PLPPR1: variants seen among roughly 807,000 people sequenced by gnomAD.
PLPPR1 encodes phospholipid phosphatase related 1.
Under a neutral mutation model 33.1 loss-of-function variants are expected in PLPPR1, and 10 were observed. The observed-to-expected ratio is 0.30, with a 90% CI of 0.19 to 0.51. The LOEUF is 0.51. Ranked by LOEUF, PLPPR1 falls within the 20% of genes least tolerant of loss-of-function variation. The pLI is 0.97. For missense variants in PLPPR1, 304 were observed against 408.1 expected, an observed-to-expected ratio of 0.74 and a Z score of 2.20; for synonymous variants, 151 against 151.0, an observed-to-expected ratio of 1.00 and a Z score of 0.00.
At chr9:101,253,066 G>C (rs559418624) in intron 2 of PLPPR1, among the ~76,000 whole-genome samples, 136 of 151,950 alleles carry the variant, frequency 9.0e-4, no homozygotes, top group Non-Finnish European at 1.4e-3. Flanking sequence ...TTATATCTCT[G>C]ATCTCCTTTG....
At chr9:101,283,116 C>T (rs1416774715) in intron 3 of PLPPR1, among the ~76,000 whole-genome samples, 1 of 152,094 alleles carries the variant, frequency 6.6e-6, no homozygotes, top group Non-Finnish European at 1.5e-5. Flanking sequence ...CGATCACAGC[C>T]GTGAGCCACC....
intron 1 of PLPPR1, among the ~76,000 whole-genome samples, chr9:101,131,812 T>G (rs1831317560): frequency 6.6e-6 from 1 of 152,230 alleles, no homozygotes; most frequent in Admixed American, 6.5e-5. Context: ...GACTCTGTAC[T>G]CAGATTACCT....
In PLPPR1 at chr9:101,085,377, C is replaced by T. The variant is rs549134568; in HGVS notation, c.-46+56275C>T. ...TAACTTCAGTTGCTACCCCTTGAAT[C>T]TAAAAATGACTTGACTAATTCACAG... On this transcript the variant is annotated intron_variant, in intron 1 of 7. Transcript: ENST00000374874. Among the ~76,000 whole-genome samples, 3 of 152,258 alleles carry T rather than the reference C, an allele frequency of 2.0e-5. No individual in the cohort carries two copies. The East Asian group carries it at 5.8e-4, about 29-fold the overall frequency.
intron 1 of PLPPR1, among the ~76,000 whole-genome samples, chr9:101,083,191 C>T (rs1394383270): frequency 6.6e-6 from 1 of 152,006 alleles, no homozygotes; most frequent in Non-Finnish European, 1.5e-5. Flanking sequence ...TCGAGTCTCA[C>T]TCTGTTACCC....
chr9:101,246,077 T>TGA (rs1827597798), intron 2 of PLPPR1, among the ~76,000 whole-genome samples: 2 of 112,564 alleles, frequency 1.8e-5, no homozygotes, highest in Non-Finnish European at 3.6e-5. Context: ...TATATATATA[T>TGA]ATATATATAT....
intron 1 of PLPPR1, among the ~76,000 whole-genome samples, chr9:101,033,616 C>T (rs1734121891): frequency 6.6e-6 from 1 of 152,158 alleles, no homozygotes; most frequent in African/African-American, 2.4e-5. Flanking sequence ...AAAGAACTGG[C>T]ATGAAAGCAA....
At chr9:101,117,281 C>T (rs1384535186) in intron 1 of PLPPR1, among the ~76,000 whole-genome samples, 1 of 152,090 alleles carries the variant, frequency 6.6e-6, no homozygotes, top group Non-Finnish European at 1.5e-5. Flanking sequence ...ATAAAGCAGA[C>T]TGCAGTGGAG....
intron 4 of PLPPR1, among the ~76,000 whole-genome samples, chr9:101,294,204 G>A (rs1400143522): frequency 1.3e-5 from 2 of 151,966 alleles, no homozygotes; most frequent in Non-Finnish European, 2.9e-5. Context: ...AAATCTAGAA[G>A]AAATGGATAA....
chr9:101,286,071 C>CAA (rs556652839), intron 3 of PLPPR1, 33 bp from the exon 4 acceptor site: 37 of 1,594,840 alleles, frequency 2.3e-5, no homozygotes, highest in Middle Eastern at 1.7e-4. Context: ...AACAGATCTC[C>CAA]AACTTGACAT....
At chr9:101,136,525 T>G (rs561045406) in intron 1 of PLPPR1, among the ~76,000 whole-genome samples, 1 of 152,344 alleles carries the variant, frequency 6.6e-6, no homozygotes, top group East Asian at 1.9e-4. Flanking sequence ...AGCTTCCAAT[T>G]TCTCTACCTT....
At chr9:101,030,405 TC>T (rs1339519032) in intron 1 of PLPPR1, among the ~76,000 whole-genome samples, 3 of 151,258 alleles carry the variant, frequency 2.0e-5, no homozygotes, top group African/African-American at 7.3e-5. Flanking sequence ...CAGCTCCTAT[TC>T]TTCTGGTGGG....
At chr9:101,247,618 G>A (rs1268134310) in intron 2 of PLPPR1, among the ~76,000 whole-genome samples, 2 of 152,020 alleles carry the variant, frequency 1.3e-5, no homozygotes, top group Non-Finnish European at 2.9e-5. Context: ...AGCTGCTAAT[G>A]TCTGAATCTT....
At chr9:101,190,369 T>C (rs1039342561) in intron 2 of PLPPR1, among the ~76,000 whole-genome samples, 1 of 152,200 alleles carries the variant, frequency 6.6e-6, no homozygotes, top group Non-Finnish European at 1.5e-5. Context: ...TTTTGGATAC[T>C]TTACATAGTA....
intron 2 of PLPPR1, among the ~76,000 whole-genome samples, chr9:101,221,757 CTT>C (rs1826946475): frequency 6.6e-6 from 1 of 152,092 alleles, no homozygotes; most frequent in Non-Finnish European, 1.5e-5. Context: ...GAAGTGTGTG[CTT>C]TTTGTCTCCA....
chr9:101,043,291 G>A (rs906063509), intron 1 of PLPPR1, among the ~76,000 whole-genome samples: 4 of 150,938 alleles, frequency 2.7e-5, no homozygotes, highest in South Asian at 4.2e-4. Context: ...GTGTGTGTGT[G>A]TATATATGTA....
intron 1 of PLPPR1, among the ~76,000 whole-genome samples, chr9:101,047,047 G>T (rs990943723): frequency 2.6e-5 from 4 of 152,056 alleles, no homozygotes; most frequent in Non-Finnish European, 1.5e-5. Context: ...TTCTCATAAT[G>T]AACACGCAGC....
At chr9:101,279,770 T>C (rs1012676721) in intron 3 of PLPPR1, among the ~76,000 whole-genome samples, 2 of 151,868 alleles carry the variant, frequency 1.3e-5, no homozygotes, top group Non-Finnish European at 2.9e-5. Context: ...CAAATGAAAA[T>C]AGAAACACAA....
intron 1 of PLPPR1, chr9:101,185,191 C>T (rs1279748485): frequency 3.2e-6 from 1 of 312,178 alleles, no homozygotes; most frequent in Non-Finnish European, 5.8e-6. Flanking sequence ...AATTAGAATT[C>T]TATTCACTAG....
At chr9:101,055,641 A>G (rs1199409957) in intron 1 of PLPPR1, among the ~76,000 whole-genome samples, 2 of 152,222 alleles carry the variant, frequency 1.3e-5, no homozygotes, top group Admixed American at 6.5e-5. Context: ...AATCACTTAC[A>G]GATATTTTCA....
Sources: gnomAD v4.1 joint callset for allele counts (sites outside exome capture counted in the v4.1 genomes callset) on GRCh38, gnomAD v4.1.1 for gene constraint, MANE v1.5 for transcripts, NCBI Gene and HGNC (gene_info 2026-07-23, HGNC 2026-07-21) for gene names.